KHDRBS2: variants seen among roughly 807,000 people sequenced by gnomAD.
The protein encoded by KHDRBS2 is KH RNA binding domain containing, signal transduction associated 2, also known as KH domain-containing, RNA-binding, signal transduction-associated protein 2.
In KHDRBS2, 26 loss-of-function variants were observed where a neutral mutation model predicts 44.3. That is an observed-to-expected ratio of 0.59 (90% CI 0.43 to 0.81). The LOEUF is 0.81. Among genes scored for constraint, KHDRBS2 ranks in the 40% least tolerant of loss-of-function variants. The pLI, the probability that KHDRBS2 is intolerant of heterozygous loss-of-function variation, is 0.00. For missense variants in KHDRBS2, 476 were observed against 433.1 expected, an observed-to-expected ratio of 1.10 and a Z score of -0.88; for synonymous variants, 194 against 151.1, an observed-to-expected ratio of 1.28 and a Z score of -2.08.
In KHDRBS2 at chr6:62,186,123, G is replaced by A. The variant is rs115860953; in HGVS notation, c.92-8811C>T. 1.6e-3 allele frequency among the ~76,000 whole-genome samples: 243 copies of A among 152,112 alleles called. 1 individual carries two copies. Among genetic ancestry groups the A allele is most frequent in the African/African-American group, 5.6e-3 (234 of 41,566 alleles). ...TTAACTGTGTGACACTTGCCAACAAGTGATGATGACAGTTATTGCTTTCTA... is the reference window on the plus strand; with the variant it reads ...TTAACTGTGTGACACTTGCCAACAAATGATGATGACAGTTATTGCTTTCTA... On this transcript the variant is annotated intron_variant, in intron 1 of 8. Transcript: ENST00000281156.
chr6:61,945,234 T>G (rs977169098), intron 4 of KHDRBS2, among the ~76,000 whole-genome samples: 2 of 147,036 alleles, frequency 1.4e-5, no homozygotes, highest in Admixed American at 6.8e-5. Flanking sequence ...TCATTTAACA[T>G]CTCAATAATT....
intron 6 of KHDRBS2, among the ~76,000 whole-genome samples, chr6:61,868,953 A>C (rs983037843): frequency 1.3e-5 from 2 of 152,032 alleles, no homozygotes; most frequent in African/African-American, 4.8e-5. Context: ...TGTATGTTGG[A>C]CCCAAGGCCC....
chr6:62,262,826 T>C (rs1203130913), intron 1 of KHDRBS2, among the ~76,000 whole-genome samples: 1 of 151,652 alleles, frequency 6.6e-6, no homozygotes, highest in African/African-American at 2.4e-5. Context: ...TTGTCAAAAA[T>C]AAAACAAATT....
the KHDRBS2 span, among the ~76,000 whole-genome samples, chr6:61,632,338 T>G: frequency 1.3e-5 from 2 of 151,892 alleles, no homozygotes; most frequent in African/African-American, 4.8e-5. Context: ...ATCAGTGCAG[T>G]AAAGGAGGAA....
At chr6:61,936,089 G>A (rs554554561) in intron 4 of KHDRBS2, among the ~76,000 whole-genome samples, 9 of 151,930 alleles carry the variant, frequency 5.9e-5, no homozygotes, top group East Asian at 1.9e-4. Flanking sequence ...AAATCTTTTC[G>A]CAATGTGCCC....
chr6:61,949,837 T>A (rs1764380061), intron 4 of KHDRBS2, among the ~76,000 whole-genome samples: 2 of 152,046 alleles, frequency 1.3e-5, no homozygotes, highest in Non-Finnish European at 2.9e-5. Flanking sequence ...AACAAAAACA[T>A]CCATAAATTA....
At chr6:62,170,058 G>A (rs995324406) in intron 2 of KHDRBS2, among the ~76,000 whole-genome samples, 5 of 151,804 alleles carry the variant, frequency 3.3e-5, no homozygotes, top group African/African-American at 7.3e-5. Context: ...TGTGCGCCAC[G>A]CCTGCTAGAT....
chr6:62,285,855 T>C lies in KHDRBS2; in HGVS notation c.91+3A>G. On this transcript the variant is annotated splice_donor_region_variant and intron_variant, in intron 1 of 8. Transcript: ENST00000281156. ...TGTGCCCATCTGTGGGGGCAAGTCC[T>C]ACCTTCTGCCAAAAGGCGCGACGCA... 1 of 1,610,608 alleles carries C rather than the reference T, an allele frequency of 6.2e-7. No homozygotes were observed. Among genetic ancestry groups the C allele is most frequent in the Non-Finnish European group, 8.5e-7 (1 of 1,177,798 alleles).
chr6:62,280,358 G>A (rs1841628697), intron 1 of KHDRBS2, among the ~76,000 whole-genome samples: 1 of 152,140 alleles, frequency 6.6e-6, no homozygotes, highest in Non-Finnish European at 1.5e-5. Flanking sequence ...GAAGGATGAT[G>A]AGGGCAAGAA....
intron 2 of KHDRBS2, among the ~76,000 whole-genome samples, chr6:62,092,206 G>A (rs1355836872): frequency 1.3e-5 from 2 of 151,576 alleles, no homozygotes; most frequent in African/African-American, 4.9e-5. Flanking sequence ...CTTCATGTCA[G>A]ACAGTGAATT....
rs1448504432 is a variant in KHDRBS2, at chr6:61,848,558, T to C, written c.810+46077A>G. ...ATATATATGTATATATATACATATA[T>C]ATATGTATATATATATACATATATA... On this transcript the variant is annotated intron_variant, in intron 6 of 8. Coordinates refer to ENST00000281156, the MANE Select transcript of KHDRBS2 (RefSeq NM_152688.4). 4.3e-4 allele frequency among the ~76,000 whole-genome samples: 16 copies of C among 37,316 alleles called. 2 individuals carry two copies. Among genetic ancestry groups the C allele is most frequent in the African/African-American group, 1.5e-3 (13 of 8,528 alleles). The allele number at this position is 37,316 out of a possible 152,430, so 24.5% of individuals were successfully genotyped here. A position where few individuals can be genotyped will look rare whatever the true frequency, so the allele number is the denominator to read the frequency against.
chr6:61,767,117 TTATA>T (rs1222751919), intron 6 of KHDRBS2, among the ~76,000 whole-genome samples: 2 of 152,122 alleles, frequency 1.3e-5, no homozygotes, highest in Non-Finnish European at 2.9e-5. Context: ...TAGTATTTCT[TTATA>T]TATCTGGGTG....
chr6:61,981,464 TGA>T (rs1195515728), intron 3 of KHDRBS2, among the ~76,000 whole-genome samples: 3 of 147,920 alleles, frequency 2.0e-5, no homozygotes, highest in Non-Finnish European at 3.0e-5. Context: ...AAAAAAAAAC[TGA>T]GTTTTTTTTT....
chr6:62,105,155 A>G (rs956129919), intron 2 of KHDRBS2, among the ~76,000 whole-genome samples: 2 of 152,160 alleles, frequency 1.3e-5, no homozygotes, highest in East Asian at 3.8e-4. Flanking sequence ...TTCTCAAAAA[A>G]TAAGTCAAGA....
intron 2 of KHDRBS2, among the ~76,000 whole-genome samples, chr6:62,146,470 G>GA (rs5876778): frequency 0.33 from 48,418 of 145,798 alleles, 8,455 homozygotes; most frequent in Middle Eastern, 0.44. Context: ...GATTTTAAAA[G>GA]AAAAAAAAAA....
chr6:61,762,845 C>G (rs1183808182), intron 6 of KHDRBS2, among the ~76,000 whole-genome samples: 2 of 152,158 alleles, frequency 1.3e-5, no homozygotes, highest in South Asian at 2.1e-4. Flanking sequence ...ATTTCAGAAA[C>G]CAGAAGGTTC....
At chr6:61,579,790 G>A in the KHDRBS2 span, among the ~76,000 whole-genome samples, 2 of 151,960 alleles carry the variant, frequency 1.3e-5, no homozygotes, top group African/African-American at 4.8e-5. Flanking sequence ...GGGTGTGGTG[G>A]CTCATGCCTG....
intron 1 of KHDRBS2, among the ~76,000 whole-genome samples, chr6:62,257,056 T>A (rs1276417998): frequency 6.6e-6 from 1 of 152,112 alleles, no homozygotes; most frequent in African/African-American, 2.4e-5. Flanking sequence ...AGGTCAAATG[T>A]AATTTCCATT....
rs149789173 is a variant in KHDRBS2 at position 62,076,271 on chromosome 6, T to C, written c.220-28277A>G. On this transcript the variant is annotated intron_variant, in intron 2 of 8. Transcript: ENST00000281156. ...TCAGGTTGTGCCAGCAAATGTGCTATTGTGGATTACACAAAAGGAGAACTC... is the reference window on the plus strand; with the variant it reads ...TCAGGTTGTGCCAGCAAATGTGCTACTGTGGATTACACAAAAGGAGAACTC... 3.5e-3 allele frequency among the ~76,000 whole-genome samples: 533 copies of C among 152,112 alleles called. 5 individuals are homozygous for C. Among genetic ancestry groups the C allele is most frequent in the African/African-American group, 0.012 (501 of 41,550 alleles).
Sources: gnomAD v4.1 joint callset for allele counts (sites outside exome capture counted in the v4.1 genomes callset) on GRCh38, gnomAD v4.1.1 for gene constraint, MANE v1.5 for transcripts, NCBI Gene and HGNC (gene_info 2026-07-23, HGNC 2026-07-21) for gene names.